The following EIF4G3 variants were observed in gnomAD, a reference collection of about 807,000 sequenced individuals.
EIF4G3 encodes eukaryotic translation initiation factor 4 gamma 3, also known as eIF-4-gamma 3.
EIF4G3 carries 34 observed loss-of-function variants against 186.4 expected under a neutral mutation model. The observed-to-expected ratio is 0.18, with a 90% CI of 0.14 to 0.24. The LOEUF (loss-of-function observed/expected upper bound fraction) is 0.24, where lower values mean the gene tolerates loss of function less well. Among genes scored for constraint, EIF4G3 ranks in the 10% least tolerant of loss-of-function variants. The probability of loss-of-function intolerance (pLI) is 1.00; values close to 1 mark genes in which losing one functional copy is unlikely to be tolerated. For synonymous variants in EIF4G3, 673 were observed against 679.5 expected, an observed-to-expected ratio of 0.99 and a Z score of 0.15; for missense variants, 1,536 against 1,948.5, an observed-to-expected ratio of 0.79 and a Z score of 3.99.
chr1:20,909,938 T>TGCC (rs1020321032), intron 14 of EIF4G3, among the ~76,000 whole-genome samples: 13 of 152,002 alleles, frequency 8.6e-5, no homozygotes, highest in Admixed American at 3.3e-4. Flanking sequence ...CCCGCAACCA[T>TGCC]GCCCGGCTAA....
intron 25 of EIF4G3, among the ~76,000 whole-genome samples, chr1:20,855,432 A>C (rs2074588847): frequency 6.6e-6 from 1 of 152,250 alleles, no homozygotes; most frequent in East Asian, 1.9e-4. Flanking sequence ...TACAAAATTA[A>C]TTCATTAGTG....
At chr1:21,119,847 G>A (rs919363444) in intron 2 of EIF4G3, among the ~76,000 whole-genome samples, 3 of 151,954 alleles carry the variant, frequency 2.0e-5, no homozygotes, top group African/African-American at 7.3e-5. Context: ...AGTTTCTTAA[G>A]CATCTTTCCA....
chr1:21,036,291 C>T (rs2093193189), intron 4 of EIF4G3, among the ~76,000 whole-genome samples: 1 of 152,124 alleles, frequency 6.6e-6, no homozygotes, highest in Non-Finnish European at 1.5e-5. Context: ...CTGCAGGTCT[C>T]CTCTGAGCTG....
chr1:21,119,608 T>C lies in EIF4G3; in HGVS notation c.-271-30395A>G, dbSNP rs544878519. On this transcript the variant is annotated intron_variant, in intron 2 of 36. Coordinates refer to ENST00000602326, the MANE Select transcript of EIF4G3 (RefSeq NM_001391906.1). ...TTTGGCAAACAAAAAGTAAATATTA[T>C]GTAATTTGAAAAAGGACAAAGAAAC... Among the ~76,000 whole-genome samples the C allele has an allele frequency of 5.3e-5, 8 of 152,324 alleles. No individual in the cohort carries two copies. The East Asian group carries it at 1.5e-3, about 29-fold the overall frequency.
chr1:21,023,446 G>A (rs968606810), intron 4 of EIF4G3, among the ~76,000 whole-genome samples: 1 of 151,930 alleles, frequency 6.6e-6, no homozygotes, highest in African/African-American at 2.4e-5. Context: ...TTTTGGTGGA[G>A]ACAGGGTTTC....
At chr1:20,864,809 G>A in intron 21 of EIF4G3, 97 bp from the exon 22 acceptor site, 2 of 1,087,618 alleles carry the variant, frequency 1.8e-6, no homozygotes, top group East Asian at 4.7e-5. Context: ...GTGAGAATCT[G>A]ATAGCAAGTG....
rs1570729141 is a variant in EIF4G3, at chr1:20,807,030, T to G, written c.*289A>C. 4.9e-6 allele frequency: 1 copy of G among 203,214 alleles called. No homozygotes were observed. The highest frequency in any genetic ancestry group is 5.9e-5 in the Admixed American group (1 of 16,838). The allele number at this position is 203,214 out of a possible 1,614,324, so 12.6% of individuals were successfully genotyped here. A position where few individuals can be genotyped will look rare whatever the true frequency, so the allele number is the denominator to read the frequency against. The stretch of plus-strand genomic sequence containing the variant: ...TTTTTTTTTTTTGCTAAACATTTTT[T>G]TAAGTATGAGTCCTTGTTTAAAAAG... On this transcript the variant is annotated 3_prime_UTR_variant, in exon 37 of 37. Coordinates refer to ENST00000602326, the MANE Select transcript of EIF4G3 (RefSeq NM_001391906.1).
intron 3 of EIF4G3, among the ~76,000 whole-genome samples, chr1:21,081,159 G>A (rs9943246): frequency 0.033 from 5,003 of 152,234 alleles, 271 homozygotes; most frequent in African/African-American, 0.11. Context: ...TGGGCTGGGC[G>A]TGGTGGCTCA....
At chr1:21,168,332 A>G (rs927026616) in intron 2 of EIF4G3, among the ~76,000 whole-genome samples, 1 of 151,350 alleles carries the variant, frequency 6.6e-6, no homozygotes, top group African/African-American at 2.4e-5. Context: ...TTGACCCGGG[A>G]GGCCAAGGTT....
At chr1:21,165,839 T>C (rs2097846525) in intron 2 of EIF4G3, among the ~76,000 whole-genome samples, 2 of 152,086 alleles carry the variant, frequency 1.3e-5, no homozygotes, top group African/African-American at 4.8e-5. Flanking sequence ...GGTATGTGGA[T>C]TACATCTCAA....
chr1:20,945,561 GCTCAAGCAATCCTCCTACCTCAGC>G, intron 13 of EIF4G3, among the ~76,000 whole-genome samples: 1 of 152,206 alleles, frequency 6.6e-6, no homozygotes, highest in African/African-American at 2.4e-5. Context: ...CACCTCCCAG[GCTCAAGCAATCCTCCTACCTCAGC>G]CTCCCAAGTA....
intron 14 of EIF4G3, among the ~76,000 whole-genome samples, chr1:20,938,770 C>T (rs918411414): frequency 3.3e-5 from 5 of 152,028 alleles, no homozygotes; most frequent in East Asian, 3.9e-4. Context: ...AAAAAATATT[C>T]GGACAGAAAT....
At chr1:21,068,400 A>AG (rs2095338394) in intron 3 of EIF4G3, among the ~76,000 whole-genome samples, 3 of 140,574 alleles carry the variant, frequency 2.1e-5, no homozygotes, top group African/African-American at 7.7e-5. Context: ...AAAAAAAAAA[A>AG]CAGAATACTT....
chr1:20,899,433 T>C (rs964937176), intron 16 of EIF4G3, among the ~76,000 whole-genome samples: 4 of 152,178 alleles, frequency 2.6e-5, no homozygotes, highest in Non-Finnish European at 5.9e-5. Flanking sequence ...CTGCACCCAC[T>C]AGCATGGCAC....
At chr1:21,092,138 T>C (rs191133937) in intron 2 of EIF4G3, among the ~76,000 whole-genome samples, 1 of 152,308 alleles carries the variant, frequency 6.6e-6, no homozygotes, top group Admixed American at 6.5e-5. Flanking sequence ...TTGTCATAAA[T>C]AGCTCTTATT....
intron 2 of EIF4G3, among the ~76,000 whole-genome samples, chr1:21,140,228 A>C (rs2097314070): frequency 6.6e-6 from 1 of 152,230 alleles, no homozygotes; most frequent in Non-Finnish European, 1.5e-5. Flanking sequence ...ATTGCAAAGA[A>C]GGCAATAACC....
chr1:21,023,656 T>C (rs963599495), intron 4 of EIF4G3, among the ~76,000 whole-genome samples: 3 of 151,934 alleles, frequency 2.0e-5, no homozygotes, highest in East Asian at 1.9e-4. Flanking sequence ...AGTGCCGAGA[T>C]TGCAGCCTCT....
intron 7 of EIF4G3, among the ~76,000 whole-genome samples, chr1:20,994,941 T>C (rs1408445165): frequency 6.6e-6 from 1 of 152,144 alleles, no homozygotes; most frequent in Non-Finnish European, 1.5e-5. Flanking sequence ...ATCCAGCTTA[T>C]ACTTCTATTT....
At chr1:20,985,676 C>G (rs571437384) in intron 7 of EIF4G3, among the ~76,000 whole-genome samples, 1 of 152,220 alleles carries the variant, frequency 6.6e-6, no homozygotes, top group South Asian at 2.1e-4. Flanking sequence ...AATGGGATTT[C>G]CCAAACTGCT....
Sources: gnomAD v4.1 joint callset for allele counts (sites outside exome capture counted in the v4.1 genomes callset) on GRCh38, gnomAD v4.1.1 for gene constraint, MANE v1.5 for transcripts, NCBI Gene and HGNC (gene_info 2026-07-23, HGNC 2026-07-21) for gene names.